ADA2: variants seen among roughly 807,000 people sequenced by gnomAD.
The protein encoded by ADA2 is adenosine deaminase 2.
A neutral mutation model predicts 44.2 loss-of-function variants in ADA2; 29 were observed. The ratio of observed to expected loss-of-function variants is 0.66; its 90% CI spans 0.49 to 0.89. ADA2 has a LOEUF of 0.89. ADA2 is among the 40% of genes least tolerant of loss of function. ADA2 has a pLI of 0.00. For missense variants in ADA2, 637 were observed against 644.8 expected (o/e 0.99, Z 0.13); for synonymous variants, 215 against 234.9 (o/e 0.92, Z 0.77).
chr22:17,200,882 C>CAAAAAAAAA (rs3078427), intron 4 of ADA2, among the ~76,000 whole-genome samples: 97 of 119,270 alleles, frequency 8.1e-4, no homozygotes, highest in African/African-American at 2.0e-3. Context: ...AACTCTGCCT[C>CAAAAAAAAA]AAAAAAAAAA....
At position 17,180,874 on chromosome 22, in the gene ADA2, T is replaced by C. The variant is rs7288562; in HGVS notation, c.*609A>G. The C allele has an allele frequency of 0.31, 47,613 of 152,324 alleles. 7,853 individuals carry two copies. The highest frequency in any genetic ancestry group is 0.34 in the Non-Finnish European group (23,506 of 68,168). 9.4% of individuals were successfully genotyped at this position (152,324 alleles called of 1,614,324 possible). ...AGAATAGGCCAGGCATGGTGGCTAA[T>C]GCCTGTAATTCCAGCACTTTGGGAG... On this transcript the variant is annotated 3_prime_UTR_variant, in exon 10 of 10. Transcript: ENST00000399837.
intron 2 of ADA2, 54 bp downstream of exon 2, chr22:17,209,302 A>G (rs961630699): frequency 7.0e-7 from 1 of 1,438,538 alleles, no homozygotes; most frequent in Non-Finnish European, 9.6e-7. Context: ...AATAGCCCCA[A>G]GATGAGTCCC....
At chr22:17,195,324 T>A (rs1413633430) in intron 4 of ADA2, among the ~76,000 whole-genome samples, 1 of 151,566 alleles carries the variant, frequency 6.6e-6, no homozygotes, top group Admixed American at 6.6e-5. Flanking sequence ...AGGTCAGGAG[T>A]TGGAGACTAT....
At chr22:17,213,697 C>T in intron 1 of ADA2, 1 of 245,964 alleles carries the variant, frequency 4.1e-6, no homozygotes. Flanking sequence ...CCGGCCCGCG[C>T]AGCCTTTGAG....
Position 17,187,382 on chromosome 22 carries a change from T to C in ADA2, c.1081+957A>G, listed in dbSNP as rs112877438. 2.1e-3 allele frequency among the ~76,000 whole-genome samples: 317 copies of C among 152,066 alleles called. 2 individuals carry two copies. The highest frequency in any genetic ancestry group is 7.3e-3 in the African/African-American group (302 of 41,478). On this transcript the variant is annotated intron_variant, in intron 7 of 9. Transcript: ENST00000399837. ...CACCCAGGCTGGAGTTCAGTGAGCC[T>C]GGGCTCAGGCAATCCTCCCACCTCA...
intron 5 of ADA2, among the ~76,000 whole-genome samples, chr22:17,190,488 G>A (rs2062101665): frequency 1.3e-5 from 2 of 152,188 alleles, no homozygotes; most frequent in African/African-American, 2.4e-5. Flanking sequence ...GTAACCATAT[G>A]GCCTCTTGCT....
chr22:17,189,564 G>A (rs112606013), intron 6 of ADA2, among the ~76,000 whole-genome samples: 2,628 of 152,292 alleles, frequency 0.017, 87 homozygotes, highest in African/African-American at 0.059. Flanking sequence ...AGGGGCTGGT[G>A]AGGGTTTTAA....
At chr22:17,220,187 T>C (rs761123988), upstream of ADA2, among the ~76,000 whole-genome samples, 1 of 151,430 alleles carries the variant, frequency 6.6e-6, no homozygotes, top group African/African-American at 2.4e-5. Context: ...GTAGCTATAA[T>C]AAAATATATG....
intron 4 of ADA2, among the ~76,000 whole-genome samples, chr22:17,203,277 T>C (rs1233128457): frequency 6.6e-6 from 1 of 152,106 alleles, no homozygotes; most frequent in African/African-American, 2.4e-5. Flanking sequence ...CAATTCTCCT[T>C]CTCAGCTTAT....
At position 17,183,898 on chromosome 22, in the gene ADA2, A is replaced by G. The variant is rs5994192; in HGVS notation, c.1082-1137T>C. ...CTGTCAAGATGTTATCACTCGCTAG[A>G]TGACCGCAGACAGTCTTGTGGCCTC... On this transcript the variant is annotated intron_variant, in intron 7 of 9. Coordinates refer to ENST00000399837, the MANE Select transcript of ADA2 (RefSeq NM_001282225.2). Among the ~76,000 whole-genome samples, 131,099 of 149,324 alleles carry G rather than the reference A, an allele frequency of 0.88. 57,650 individuals are homozygous for G. The highest frequency in any genetic ancestry group is 0.92 in the East Asian group (4,668 of 5,056).
At chr22:17,199,426 C>CCTCCTCTATCCTCTTCCCCTCCCTCCA in intron 4 of ADA2, 5 of 981,402 alleles carry the variant, frequency 5.1e-6, no homozygotes, top group South Asian at 1.3e-5. Flanking sequence ...TCCTCCCTCC[C>CCTCCTCTATCCTCTTCCCCTCCCTCCA]CTCCTCTATC....
chr22:17,192,776 C>T (rs994669961), intron 4 of ADA2, among the ~76,000 whole-genome samples: 2 of 151,710 alleles, frequency 1.3e-5, no homozygotes, highest in Admixed American at 1.3e-4. Flanking sequence ...TTGCAGTGAG[C>T]CAAGATCATA....
At chr22:17,216,883 T>C (rs1483356212) in intron 1 of ADA2, among the ~76,000 whole-genome samples, 1 of 151,222 alleles carries the variant, frequency 6.6e-6, no homozygotes, top group Non-Finnish European at 1.5e-5. Flanking sequence ...TCATAAGACA[T>C]GCTTCAAACT....
upstream of ADA2, among the ~76,000 whole-genome samples, chr22:17,220,184 T>C (rs989540547): frequency 1.3e-5 from 2 of 151,488 alleles, no homozygotes; most frequent in African/African-American, 4.9e-5. Flanking sequence ...AAAGTAGCTA[T>C]AATAAAATAT....
At chr22:17,202,632 A>G (rs1465781975) in intron 4 of ADA2, among the ~76,000 whole-genome samples, 7 of 152,216 alleles carry the variant, frequency 4.6e-5, no homozygotes, top group Non-Finnish European at 1.0e-4. Context: ...CTCCATCCTA[A>G]AAAGAAACCT....
At chr22:17,196,409 C>T (rs894248471) in intron 4 of ADA2, among the ~76,000 whole-genome samples, 17 of 151,302 alleles carry the variant, frequency 1.1e-4, no homozygotes, top group Admixed American at 6.6e-4. Flanking sequence ...AAATAAAAGG[C>T]GTTTGAAATT....
chr22:17,206,110 C>A (rs374186807), intron 3 of ADA2, among the ~76,000 whole-genome samples: 1 of 152,172 alleles, frequency 6.6e-6, no homozygotes, highest in Non-Finnish European at 1.5e-5. Flanking sequence ...GAGCTAGGAA[C>A]TTTTATTCTC....
At chr22:17,202,846 C>A (rs1326987249) in intron 4 of ADA2, among the ~76,000 whole-genome samples, 1 of 150,264 alleles carries the variant, frequency 6.7e-6, no homozygotes, top group Non-Finnish European at 1.5e-5. Context: ...TGCAGTGGTG[C>A]GATCTTGGCT....
chr22:17,207,783 C>G (rs1308927468), intron 2 of ADA2, among the ~76,000 whole-genome samples: 1 of 152,152 alleles, frequency 6.6e-6, no homozygotes, highest in Non-Finnish European at 1.5e-5. Context: ...GGATGAGCCC[C>G]AGGGCCACGG....
Sources: allele counts gnomAD v4.1 joint callset (sites outside exome capture counted in the v4.1 genomes callset), GRCh38; gene constraint gnomAD v4.1.1; transcripts MANE v1.5; gene names NCBI Gene and HGNC (gene_info 2026-07-23, HGNC 2026-07-21).